DGKB: variants seen among roughly 807,000 people sequenced by gnomAD.
DGKB encodes the protein 90 kDa diacylglycerol kinase.
Under a neutral mutation model 114.3 loss-of-function variants are expected in DGKB, and 67 were observed. The ratio of observed to expected loss-of-function variants is 0.59; its 90% confidence interval spans 0.48 to 0.72. DGKB has a LOEUF of 0.72. Ranked by LOEUF, DGKB falls within the 30% of genes least tolerant of loss-of-function variation. The pLI is 0.00. For missense variants in DGKB, 907 were observed against 975.2 expected, an observed-to-expected ratio of 0.93 and a Z score of 0.93; for synonymous variants, 398 against 323.1, an observed-to-expected ratio of 1.23 and a Z score of -2.49.
chr7:14,859,245 T>C (rs1311938100), intron 1 of DGKB, among the ~76,000 whole-genome samples: 1 of 152,080 alleles, frequency 6.6e-6, no homozygotes, highest in African/African-American at 2.4e-5. Context: ...AAGCAGTTTG[T>C]ACCTGGACAA....
At chr7:14,885,663 C>A (rs1430789696) in intron 1 of DGKB, among the ~76,000 whole-genome samples, 2 of 151,776 alleles carry the variant, frequency 1.3e-5, no homozygotes, top group African/African-American at 2.4e-5. Flanking sequence ...ATAGGACTTG[C>A]GTCAATTGAT....
rs148868099 is a variant in DGKB at position 14,166,142 on chromosome 7, C to T, written c.2304+10697G>A. Reference sequence around the variant, plus strand: ...ACTTGGAATAGTCCTAAAATGTGTTCGCCTACAATGTAATTTAAAAAAGAA... The same window carrying T: ...ACTTGGAATAGTCCTAAAATGTGTTTGCCTACAATGTAATTTAAAAAAGAA... On this transcript the variant is annotated intron_variant, in intron 25 of 25. Transcript: ENST00000402815. Among the ~76,000 whole-genome samples, 1,522 of 152,274 alleles carry T rather than the reference C, an allele frequency of 1.0e-2. 31 individuals are homozygous for T. Among genetic ancestry groups the T allele is most frequent in the African/African-American group, 0.03 (1,259 of 41,566 alleles).
chr7:14,806,206 C>T (rs746768296), intron 2 of DGKB, among the ~76,000 whole-genome samples: 1 of 151,928 alleles, frequency 6.6e-6, no homozygotes, highest in African/African-American at 2.4e-5. Flanking sequence ...CTAACTTTCA[C>T]TCAAAGTGCT....
chr7:14,168,357 G>C (rs1162489311), intron 25 of DGKB, among the ~76,000 whole-genome samples: 1 of 152,198 alleles, frequency 6.6e-6, no homozygotes, highest in African/African-American at 2.4e-5. Context: ...CAGAGTTTTA[G>C]AAGGAGAGGA....
At chr7:14,765,235 A>C (rs73064763) in intron 2 of DGKB, among the ~76,000 whole-genome samples, 1 of 152,114 alleles carries the variant, frequency 6.6e-6, no homozygotes, top group Non-Finnish European at 1.5e-5. Context: ...TCACCACAGG[A>C]TTCTGGGAAA....
At chr7:14,952,182 T>C (rs58533690) in intron 1 of DGKB, among the ~76,000 whole-genome samples, 4,289 of 152,116 alleles carry the variant, frequency 0.028, 192 homozygotes, top group African/African-American at 0.098. Flanking sequence ...TTTAAGGAAC[T>C]ACCGGGAGAG....
At chr7:14,812,093 C>T (rs574068660) in intron 2 of DGKB, among the ~76,000 whole-genome samples, 22 of 152,228 alleles carry the variant, frequency 1.4e-4, no homozygotes, top group Admixed American at 3.3e-4. Context: ...CATCAAGCTT[C>T]ATTCATGTTG....
chr7:14,155,651 T>G (rs1367020866), intron 25 of DGKB, among the ~76,000 whole-genome samples: 4 of 151,878 alleles, frequency 2.6e-5, no homozygotes, highest in Non-Finnish European at 5.9e-5. Flanking sequence ...GGAGGCAGAT[T>G]TAAGAGAGAT....
chr7:14,379,560 T>C (rs1819060002), intron 21 of DGKB, among the ~76,000 whole-genome samples: 1 of 151,894 alleles, frequency 6.6e-6, no homozygotes, highest in Non-Finnish European at 1.5e-5. Flanking sequence ...TTTTTTATTT[T>C]ATTTTTTATT....
chr7:14,386,870 A>C lies in DGKB; in HGVS notation c.1836-41479T>G, dbSNP rs1820426066. Among the ~76,000 whole-genome samples the C allele has an allele frequency of 2.0e-5, 3 of 152,258 alleles. No homozygotes were observed. In the South Asian group the frequency reaches 6.2e-4, roughly 32 times the overall value. On this transcript the variant is annotated intron_variant, in intron 21 of 25. Coordinates refer to ENST00000402815, the MANE Select transcript of DGKB (RefSeq NM_001350709.2). ...ATCAATTAAAGTAATTTTTAAGTTT[A>C]TTCTTTTAAAATTATCTAGTAGAAG...
chr7:14,351,894 G>A (rs1204152468), intron 21 of DGKB, among the ~76,000 whole-genome samples: 1 of 152,136 alleles, frequency 6.6e-6, no homozygotes, highest in Non-Finnish European at 1.5e-5. Flanking sequence ...TCACAGAAAT[G>A]TGTACTTTTT....
At chr7:14,775,726 G>T (rs1024907686) in intron 2 of DGKB, among the ~76,000 whole-genome samples, 1 of 151,928 alleles carries the variant, frequency 6.6e-6, no homozygotes, top group Admixed American at 6.6e-5. Flanking sequence ...AGTTTCCTGA[G>T]GCCTCCCCAG....
chr7:14,966,420 T>C (rs1195235497), intron 1 of DGKB, among the ~76,000 whole-genome samples: 1 of 151,586 alleles, frequency 6.6e-6, no homozygotes, highest in Admixed American at 6.6e-5. Context: ...GGTGGAAGTT[T>C]CAAGGGAATA....
In DGKB at chr7:14,474,253, T is replaced by C. The variant is rs976865778; in HGVS notation, c.1835+3908A>G. On this transcript the variant is annotated intron_variant, in intron 21 of 25. Coordinates refer to ENST00000402815, the MANE Select transcript of DGKB (RefSeq NM_001350709.2). ...GAGTAAGTCTCATGAGATCTGATGGTTCTACACGGGGGAGTTTCCCTGCAC... is the reference window on the plus strand; with the variant it reads ...GAGTAAGTCTCATGAGATCTGATGGCTCTACACGGGGGAGTTTCCCTGCAC... Among the ~76,000 whole-genome samples the C allele has an allele frequency of 3.9e-5, 6 of 152,200 alleles. No homozygotes were observed. The South Asian group carries it at 6.2e-4, about 16-fold the overall frequency.
chr7:14,226,050 C>G (rs576596183), intron 23 of DGKB, among the ~76,000 whole-genome samples: 4 of 151,906 alleles, frequency 2.6e-5, no homozygotes, highest in Non-Finnish European at 5.9e-5. Flanking sequence ...ATCTGAAGGT[C>G]AAATTATTAT....
intron 1 of DGKB, among the ~76,000 whole-genome samples, chr7:14,896,350 C>A (rs542423085): frequency 1.3e-5 from 2 of 151,646 alleles, no homozygotes; most frequent in African/African-American, 4.8e-5. Context: ...TGTTGTTTAA[C>A]TTATCTATGT....
chr7:14,180,428 T>C (rs113106187), intron 23 of DGKB, among the ~76,000 whole-genome samples: 551 of 152,324 alleles, frequency 3.6e-3, no homozygotes, highest in African/African-American at 0.012. Context: ...CAAAAATGCC[T>C]TGAAAATCAA....
At chr7:14,365,725 T>A (rs781127776) in intron 21 of DGKB, among the ~76,000 whole-genome samples, 17 of 152,094 alleles carry the variant, frequency 1.1e-4, no homozygotes, top group Non-Finnish European at 2.2e-4. Flanking sequence ...TTTCCATGAA[T>A]GCAGAAATCT....
intron 4 of DGKB, among the ~76,000 whole-genome samples, chr7:14,751,084 A>T (rs1211515802): frequency 1.3e-5 from 2 of 152,062 alleles, no homozygotes; most frequent in Non-Finnish European, 2.9e-5. Flanking sequence ...AAGTGCTGGG[A>T]TTACAGGTGT....
Sources: allele counts gnomAD v4.1 joint callset (sites outside exome capture counted in the v4.1 genomes callset), GRCh38; gene constraint gnomAD v4.1.1; transcripts MANE v1.5; gene names NCBI Gene and HGNC (gene_info 2026-07-23, HGNC 2026-07-21).